The following RBM44 variants were observed in gnomAD, a reference collection of about 807,000 sequenced individuals.
The protein encoded by RBM44 is RNA binding motif protein 44, also known as RNA-binding protein 44.
A neutral mutation model predicts 105.1 loss-of-function variants in RBM44; 66 were observed. The ratio of observed to expected loss-of-function variants is 0.63; its 90% CI spans 0.52 to 0.77. RBM44 has a LOEUF of 0.77. RBM44 is among the 30% of genes least tolerant of loss of function. The pLI is 0.00. For synonymous variants in RBM44, 365 were observed against 417.6 expected, an observed-to-expected ratio of 0.87 and a Z score of 1.54; for missense variants, 1,122 against 1,207.8, an observed-to-expected ratio of 0.93 and a Z score of 1.05.
intron 13 of RBM44, among the ~76,000 whole-genome samples, chr2:237,832,430 AG>A (rs1232170871): frequency 1.3e-5 from 2 of 152,188 alleles, no homozygotes; most frequent in Admixed American, 6.5e-5. Flanking sequence ...CTGGGATTAC[AG>A]GTGTGAGCCA....
At chr2:237,800,775 C>G (rs996548392) in intron 1 of RBM44, among the ~76,000 whole-genome samples, 1 of 147,082 alleles carries the variant, frequency 6.8e-6, no homozygotes, top group Admixed American at 6.9e-5. Context: ...TTCCCAGGCT[C>G]GAGTGCAATG....
chr2:237,825,813 C>A (rs2061842606), intron 10 of RBM44, among the ~76,000 whole-genome samples: 1 of 152,064 alleles, frequency 6.6e-6, no homozygotes, highest in Non-Finnish European at 1.5e-5. Context: ...CTCATTATTC[C>A]CTCCTCACTC....
chr2:237,806,279 T>C (rs2150968340), intron 1 of RBM44, among the ~76,000 whole-genome samples: 1 of 152,324 alleles, frequency 6.6e-6, no homozygotes, highest in South Asian at 2.1e-4. Flanking sequence ...AAGAAAGGGA[T>C]AAGAAGGGTT....
Position 237,842,746 on chromosome 2 carries a change from A to T in RBM44, c.*930A>T, listed in dbSNP as rs2062023944. 6.6e-6 allele frequency: 1 copy of T among 152,144 alleles called. No homozygotes were observed. The highest frequency in any genetic ancestry group is 2.4e-5 in the African/African-American group (1 of 41,460). 9.4% of individuals were successfully genotyped at this position (152,144 alleles called of 1,614,324 possible). On this transcript the variant is annotated 3_prime_UTR_variant, in exon 16 of 16. Transcript: ENST00000316997. ...TGTAGTTGGATTTACTTGACTAAAAATTAGCCCTTTAACGTTTATATTTGT... is the reference window on the plus strand; with the variant it reads ...TGTAGTTGGATTTACTTGACTAAAATTTAGCCCTTTAACGTTTATATTTGT...
intron 1 of RBM44, among the ~76,000 whole-genome samples, chr2:237,801,051 G>A (rs1019704867): frequency 6.6e-6 from 1 of 152,118 alleles, no homozygotes; most frequent in South Asian, 2.1e-4. Flanking sequence ...AATATGAAGA[G>A]CGGGCTGGGT....
At chr2:237,820,715 C>A in intron 5 of RBM44, 1 of 229,408 alleles carries the variant, frequency 4.4e-6, no homozygotes, top group Non-Finnish European at 8.3e-6. Flanking sequence ...TTCTTTTACT[C>A]AGCATTTAAA....
chr2:237,817,661 G>C lies in RBM44; in HGVS notation c.742G>C (p.Asp248His), dbSNP rs372101625. The change falls in exon 3 of 16, where the codon GAT (aspartate) becomes CAT (histidine). Residue 248 changes from aspartate to histidine, a missense_variant. Asp to His is a moderately conservative substitution (Grantham distance 81). This residue lies in a region of RBM44 where 918 missense variants were observed against 955.3 expected (regional missense o/e 0.96). Coordinates refer to ENST00000316997, the MANE Select transcript of RBM44 (RefSeq NM_001080504.3). ...NSGSGSIISF[D>H]SLDVYGQEES... Reference sequence around the variant, plus strand: ...GGGAAGTGGTTCTATCATCTCTTTCGATTCACTTGATGTTTATGGACAAGA... The same window carrying C: ...GGGAAGTGGTTCTATCATCTCTTTCCATTCACTTGATGTTTATGGACAAGA... The C allele has an allele frequency of 6.2e-7, 1 of 1,612,540 alleles. No individual in the cohort carries two copies. The highest frequency in any genetic ancestry group is 1.1e-5 in the South Asian group (1 of 91,012).
At position 237,812,699 on chromosome 2, in the gene RBM44, AG is replaced by A. The variant is rs557344893; in HGVS notation, c.-18-889del. Among the ~76,000 whole-genome samples, 11 of 152,272 alleles carry A rather than the reference AG, an allele frequency of 7.2e-5. No homozygotes were observed. In the South Asian group the frequency reaches 2.3e-3, roughly 32 times the overall value. ...TTCTGCTGTAGATACCTCAGCTTTT[AG>A]GGGTATGGAGAGTGACAATAAGTAG... is the stretch of plus-strand genomic sequence containing the variant. On this transcript the variant is annotated intron_variant, in intron 1 of 15. Coordinates refer to ENST00000316997, the MANE Select transcript of RBM44 (RefSeq NM_001080504.3).
intron 10 of RBM44, among the ~76,000 whole-genome samples, chr2:237,825,254 G>A (rs994123287): frequency 2.6e-5 from 4 of 151,852 alleles, no homozygotes; most frequent in East Asian, 1.9e-4. Context: ...ACAGAGTCTC[G>A]CTCTGTCACC....
At chr2:237,813,871 A>C (rs1249404960) in intron 2 of RBM44, among the ~76,000 whole-genome samples, 189 bp downstream of exon 2, 2 of 152,126 alleles carry the variant, frequency 1.3e-5, no homozygotes, top group Non-Finnish European at 2.9e-5. Flanking sequence ...TCTAGGCAGG[A>C]CCTTTCTTTA....
chr2:237,802,680 G>T (rs536865080), intron 1 of RBM44, among the ~76,000 whole-genome samples: 1 of 152,236 alleles, frequency 6.6e-6, no homozygotes, highest in Non-Finnish European at 1.5e-5. Flanking sequence ...TATGCCTGTT[G>T]TGCTTCATAG....
rs1264882074 is a variant in RBM44 at position 237,842,706 on chromosome 2, T to C, written c.*890T>C. 1 of 152,110 alleles carries C rather than the reference T, an allele frequency of 6.6e-6. No homozygotes were observed. The highest frequency in any genetic ancestry group is 1.5e-5 in the Non-Finnish European group (1 of 67,976). The allele number at this position is 152,110 out of a possible 1,614,324, so 9.4% of individuals were successfully genotyped here. On this transcript the variant is annotated 3_prime_UTR_variant, in exon 16 of 16. Transcript: ENST00000316997. Reference sequence around the variant, plus strand: ...CATTTTCTTTAAATGTTTTAAATGTTTATAGCATTCAATGTGTAGTTGGAT... The same window carrying C: ...CATTTTCTTTAAATGTTTTAAATGTCTATAGCATTCAATGTGTAGTTGGAT...
At chr2:237,827,800 G>T (rs1398396411) in intron 12 of RBM44, among the ~76,000 whole-genome samples, 1 of 152,084 alleles carries the variant, frequency 6.6e-6, no homozygotes, top group Non-Finnish European at 1.5e-5. Flanking sequence ...AGCACATTAG[G>T]TAAAAGAACG....
At chr2:237,806,339 T>G (rs1419778570) in intron 1 of RBM44, among the ~76,000 whole-genome samples, 1 of 152,204 alleles carries the variant, frequency 6.6e-6, no homozygotes, top group African/African-American at 2.4e-5. Flanking sequence ...TCTATTAACT[T>G]TTATCTATTC....
At position 237,821,121 on chromosome 2, in the gene RBM44, C is replaced by G; in HGVS notation, c.1964C>G (p.Ser655Cys). Residue 655 changes from serine to cysteine, a missense_variant, in exon 6 of 16, where the codon TCT becomes TGT. Physicochemically the swap from Ser to Cys is moderately radical, Grantham distance 112. This residue lies in a region of RBM44 where 918 missense variants were observed against 955.3 expected (regional missense o/e 0.96). Transcript: ENST00000316997. ...AAGGAATTGGGATCAGCACTACTGT[C>G]TCTTTTGGGGGACTTAAAAGTTAGA... The part of the protein sequence containing the change: ...AKKELGSALL[S>C]LLGDLKVRYV... The G allele has an allele frequency of 1.2e-6, 2 of 1,608,248 alleles. No individual in the cohort carries two copies. The highest frequency in any genetic ancestry group is 1.7e-6 in the Non-Finnish European group (2 of 1,178,262).
At position 237,818,242 on chromosome 2, in the gene RBM44, A is replaced by G. The variant is rs1329606107; in HGVS notation, c.1323A>G (p.Thr441=). ...CTCATAGCAGTACCACAAAGAAAAC[A>G]TGCTTTCACAATATAGGAGAAATGT... The part of the protein sequence containing the change: ...KVAHSSTTKK[T]CFHNIGEMCT... Residue 441 remains threonine (T), a synonymous_variant, in exon 3 of 16, where the codon ACA becomes ACG. Transcript: ENST00000316997. The surrounding 1 kb of genome is among the most constrained non-coding windows in gnomAD (Gnocchi z 4.6). 6.2e-6 allele frequency: 10 copies of G among 1,613,252 alleles called. No homozygotes were observed. Among genetic ancestry groups the G allele is most frequent in the African/African-American group, 2.7e-5 (2 of 75,010 alleles).
chr2:237,829,460 G>A lies in RBM44; in HGVS notation c.2844G>A (p.Gln948=). 1 of 1,613,662 alleles carries A rather than the reference G, an allele frequency of 6.2e-7. No homozygotes were observed. Among genetic ancestry groups the A allele is most frequent in the Non-Finnish European group, 8.5e-7 (1 of 1,179,684 alleles). ...ISRLPRTRPR[Q]LGSEQDSEVF... ...GATTGCCCAGAACTAGGCCACGGCA[G>A]CTGGGTTCTGAGCAAGACAGTGAGG... The change falls in exon 13 of 16, where the codon CAG becomes CAA. Residue 948 remains glutamine (Q), a synonymous_variant. Coordinates refer to ENST00000316997, the MANE Select transcript of RBM44 (RefSeq NM_001080504.3).
intron 13 of RBM44, 102 bp downstream of exon 13, chr2:237,829,604 A>T: frequency 9.9e-7 from 1 of 1,010,926 alleles, no homozygotes; most frequent in East Asian, 2.4e-5. Flanking sequence ...TGAAATGGGA[A>T]TGACAGCATT....
At chr2:237,837,269 CA>C (rs1346052353) in intron 15 of RBM44, among the ~76,000 whole-genome samples, 1 of 152,130 alleles carries the variant, frequency 6.6e-6, no homozygotes, top group East Asian at 1.9e-4. Flanking sequence ...GCCTATGGAT[CA>C]AGGAGTAATT....
Sources: gnomAD v4.1 joint callset for allele counts (sites outside exome capture counted in the v4.1 genomes callset) on GRCh38, gnomAD v4.1.1 for gene constraint, gnomAD v4.1.1 regional missense constraint, Gnocchi (gnomAD v3.1) non-coding constraint, MANE v1.5 for transcripts, NCBI Gene and HGNC (gene_info 2026-07-23, HGNC 2026-07-21) for gene names.